Variants in CTNND2 observed in about 807,000 individuals in gnomAD.
The protein encoded by CTNND2 is catenin delta-2.
A neutral mutation model predicts 144.4 loss-of-function variants in CTNND2; 22 were observed. That is an observed-to-expected ratio of 0.15 (90% CI 0.11 to 0.22). The LOEUF is 0.22. Ranked by LOEUF, CTNND2 falls within the 10% of genes least tolerant of loss-of-function variation. The pLI is 1.00. For missense variants in CTNND2, 1,353 were observed against 1,618.8 expected, an observed-to-expected ratio of 0.84 and a Z score of 2.82; for synonymous variants, 751 against 695.6, an observed-to-expected ratio of 1.08 and a Z score of -1.25.
At chr5:11,794,656 T>C (rs1235711213) in intron 1 of CTNND2, among the ~76,000 whole-genome samples, 1 of 152,226 alleles carries the variant, frequency 6.6e-6, no homozygotes, top group Non-Finnish European at 1.5e-5. Flanking sequence ...GTAAGATGAT[T>C]AGTTGCAAGC....
chr5:11,511,001 C>T (rs547921245), intron 3 of CTNND2, among the ~76,000 whole-genome samples: 2 of 151,800 alleles, frequency 1.3e-5, no homozygotes, highest in Non-Finnish European at 1.5e-5. Context: ...GAAAGAGGTA[C>T]ATACAGCAAA....
intron 7 of CTNND2, among the ~76,000 whole-genome samples, chr5:11,375,883 C>T (rs1025026417): frequency 3.3e-5 from 5 of 152,108 alleles, no homozygotes; most frequent in Middle Eastern, 3.2e-3. Context: ...TAACAACAAG[C>T]GAACTGACTA....
intron 10 of CTNND2, among the ~76,000 whole-genome samples, chr5:11,223,754 C>T (rs898044028): frequency 2.0e-5 from 3 of 152,110 alleles, no homozygotes; most frequent in Non-Finnish European, 4.4e-5. Context: ...TGGAGGAGCC[C>T]TAAAATCTCT....
intron 1 of CTNND2, among the ~76,000 whole-genome samples, chr5:11,832,157 G>A (rs1486802233): frequency 1.2e-4 from 18 of 152,102 alleles, no homozygotes; most frequent in South Asian, 6.2e-4. Context: ...GGTGGCGGGC[G>A]CCTGTAGTCC....
intron 1 of CTNND2, among the ~76,000 whole-genome samples, chr5:11,768,700 C>A (rs1789742598): frequency 6.6e-6 from 1 of 152,146 alleles, no homozygotes; most frequent in African/African-American, 2.4e-5. Context: ...ACATACTATC[C>A]CATGCTCATT....
chr5:11,335,493 G>A (rs1024669040), intron 9 of CTNND2, among the ~76,000 whole-genome samples: 4 of 152,176 alleles, frequency 2.6e-5, no homozygotes, highest in African/African-American at 9.7e-5. Context: ...AACCAAAGGA[G>A]ATTTCAGAAT....
chr5:11,736,519 AC>A (rs1787691809), intron 1 of CTNND2, among the ~76,000 whole-genome samples: 1 of 152,022 alleles, frequency 6.6e-6, no homozygotes, highest in South Asian at 2.1e-4. Context: ...AAAGACAGTC[AC>A]CCTCCAATCA....
At chr5:11,097,671 G>C (rs1248134645) in intron 15 of CTNND2, among the ~76,000 whole-genome samples, 3 of 152,202 alleles carry the variant, frequency 2.0e-5, no homozygotes, top group Admixed American at 6.5e-5. Context: ...AGGGTGTGGT[G>C]AGTGTGTGAC....
intron 2 of CTNND2, among the ~76,000 whole-genome samples, chr5:11,568,079 C>G (rs549645949): frequency 6.6e-6 from 1 of 152,294 alleles, no homozygotes; most frequent in East Asian, 1.9e-4. Context: ...CAACTCAATG[C>G]CCCATGGACT....
intron 7 of CTNND2, among the ~76,000 whole-genome samples, chr5:11,383,869 G>A (rs1425632412): frequency 6.6e-6 from 1 of 152,194 alleles, no homozygotes; most frequent in Admixed American, 6.5e-5. Flanking sequence ...TGAGCATATG[G>A]TGCTAACAGC....
intron 9 of CTNND2, among the ~76,000 whole-genome samples, chr5:11,274,526 A>G (rs932897495): frequency 1.3e-5 from 2 of 152,152 alleles, no homozygotes; most frequent in African/African-American, 4.8e-5. Flanking sequence ...TGGGAGAGTA[A>G]TTAGAAAATA....
intron 3 of CTNND2, among the ~76,000 whole-genome samples, chr5:11,432,117 GA>G (rs1763348465): frequency 7.5e-6 from 1 of 132,512 alleles, no homozygotes; most frequent in African/African-American, 3.0e-5. Flanking sequence ...TTCTGAGGTT[GA>G]GGCTTTTTTT....
intron 2 of CTNND2, among the ~76,000 whole-genome samples, chr5:11,622,083 T>C (rs754673716): frequency 1.3e-5 from 2 of 152,192 alleles, no homozygotes; most frequent in Non-Finnish European, 2.9e-5. Flanking sequence ...ACCAGGTTTA[T>C]CATAATGCTC....
chr5:11,549,963 C>T (rs1775620628), intron 3 of CTNND2, among the ~76,000 whole-genome samples: 1 of 152,106 alleles, frequency 6.6e-6, no homozygotes, highest in South Asian at 2.1e-4. Flanking sequence ...AATAATGTAT[C>T]TGTAAAAATC....
At chr5:11,604,419 T>A (rs1779951844) in intron 2 of CTNND2, among the ~76,000 whole-genome samples, 1 of 152,202 alleles carries the variant, frequency 6.6e-6, no homozygotes, top group Non-Finnish European at 1.5e-5. Context: ...TTGATCTCTT[T>A]CAAAGATGAG....
At chr5:11,163,400 G>A (rs72730915) in intron 11 of CTNND2, among the ~76,000 whole-genome samples, 2,181 of 152,314 alleles carry the variant, frequency 0.014, 22 homozygotes, top group Middle Eastern at 0.024. Flanking sequence ...GCAGCCTCAT[G>A]ACAGACCCTG....
intron 5 of CTNND2, among the ~76,000 whole-genome samples, chr5:11,401,091 AC>A (rs1320560121): frequency 2.0e-5 from 3 of 152,306 alleles, no homozygotes; most frequent in African/African-American, 4.8e-5. Flanking sequence ...CTCGCTGTCC[AC>A]TATTCGTGGG....
chr5:11,075,219 T>C lies in CTNND2; in HGVS notation c.2788+7477A>G, dbSNP rs183588783. ...GAAGCAGCAGATTCCCCCTAGGAAA[T>C]GGCCCTATTCTGACCCCAGAGAAAG... is the stretch of plus-strand genomic sequence containing the variant. On this transcript the variant is annotated intron_variant, in intron 16 of 21. Transcript: ENST00000304623. Among the ~76,000 whole-genome samples, 86 of 152,262 alleles carry C rather than the reference T, an allele frequency of 5.6e-4. 1 individual carries two copies. The highest frequency in any genetic ancestry group is 5.9e-5 in the Non-Finnish European group (4 of 68,020).
At chr5:11,315,917 T>A (rs117828700) in intron 9 of CTNND2, among the ~76,000 whole-genome samples, 1 of 152,196 alleles carries the variant, frequency 6.6e-6, no homozygotes, top group South Asian at 2.1e-4. Flanking sequence ...CAATTTCATA[T>A]AATACCCTGA....
Sources: allele counts gnomAD v4.1 joint callset (sites outside exome capture counted in the v4.1 genomes callset), GRCh38; gene constraint gnomAD v4.1.1; transcripts MANE v1.5; gene names NCBI Gene and HGNC (gene_info 2026-07-23, HGNC 2026-07-21).